Variants in WDR1 observed in about 807,000 individuals in gnomAD.
WDR1 encodes WD repeat-containing protein 1.
A neutral mutation model predicts 71.9 loss-of-function variants in WDR1; 21 were observed. The observed-to-expected ratio is 0.29, with a 90% confidence interval of 0.21 to 0.42. WDR1 has a LOEUF of 0.42. Among genes scored for constraint, WDR1 ranks in the 10% least tolerant of loss-of-function variants. The pLI is 1.00. For missense variants in WDR1, 696 were observed against 824.5 expected (o/e 0.84, Z 1.91); for synonymous variants, 424 against 347.4 (o/e 1.22, Z -2.45).
chr4:10,115,888 A>G (rs989843417), intron 2 of WDR1: 3 of 575,406 alleles, frequency 5.2e-6, no homozygotes, highest in Non-Finnish European at 9.2e-6. Flanking sequence ...CGTAGACAGA[A>G]ACGAACTAAG....
intron 5 of WDR1, among the ~76,000 whole-genome samples, chr4:10,089,457 G>C (rs1457010124): frequency 6.6e-6 from 1 of 152,126 alleles, no homozygotes; most frequent in African/African-American, 2.4e-5. Context: ...TCAAGAACAA[G>C]AGCCTGAGCG....
chr4:10,113,725 T>C (rs951355957), intron 2 of WDR1, among the ~76,000 whole-genome samples: 1 of 152,228 alleles, frequency 6.6e-6, no homozygotes, highest in African/African-American at 2.4e-5. Context: ...GGGAAATCTG[T>C]TAGATTCTGA....
intron 5 of WDR1, among the ~76,000 whole-genome samples, chr4:10,089,209 C>T (rs543406978): frequency 5.3e-5 from 8 of 152,296 alleles, no homozygotes; most frequent in South Asian, 2.1e-4. Flanking sequence ...CCCGGGTTCA[C>T]GCCATTCTCC....
chr4:10,110,419 G>C (rs893492955), intron 2 of WDR1, among the ~76,000 whole-genome samples: 2 of 152,122 alleles, frequency 1.3e-5, no homozygotes, highest in African/African-American at 4.8e-5. Flanking sequence ...CTCAAAGATG[G>C]CTTCAGTATC....
intron 2 of WDR1, among the ~76,000 whole-genome samples, chr4:10,105,330 G>C (rs12506562): frequency 3.3e-5 from 5 of 151,904 alleles, no homozygotes; most frequent in African/African-American, 1.2e-4. Context: ...TAAGTGGTTT[G>C]GGGGAGAAAA....
intron 11 of WDR1, among the ~76,000 whole-genome samples, chr4:10,080,826 A>G (rs1764985925): frequency 6.6e-6 from 1 of 152,218 alleles, no homozygotes; most frequent in Non-Finnish European, 1.5e-5. Flanking sequence ...CATGTGGGAA[A>G]GTACCAAGCT....
chr4:10,116,016 G>T, intron 2 of WDR1, 97 bp downstream of exon 2: 1 of 1,496,878 alleles, frequency 6.7e-7, no homozygotes, highest in Non-Finnish European at 9.0e-7. Context: ...CCCTCCCCGG[G>T]CCAATGGGCA....
chr4:10,111,168 G>A (rs1713330456), intron 2 of WDR1, among the ~76,000 whole-genome samples: 1 of 152,216 alleles, frequency 6.6e-6, no homozygotes, highest in African/African-American at 2.4e-5. Context: ...AATGGCTCCA[G>A]TGGCCTTCAG....
chr4:10,074,425 C>G lies in WDR1; in HGVS notation c.*953G>C, dbSNP rs1304785342. On this transcript the variant is annotated 3_prime_UTR_variant, in exon 15 of 15. Transcript: ENST00000499869. ...CACAAGTGCAAGGGGAGGGATTGTT[C>G]TCAGCCAACATTTACCAGTGATTCC... The G allele has an allele frequency of 2.0e-5, 3 of 152,630 alleles. No individual in the cohort carries two copies. The highest frequency in any genetic ancestry group is 4.4e-5 in the Non-Finnish European group (3 of 68,040). The allele number at this position is 152,630 out of a possible 1,614,324, so 9.5% of individuals were successfully genotyped here.
chr4:10,075,020 C>A lies in WDR1; in HGVS notation c.*358G>T. 1 of 356,536 alleles carries A rather than the reference C, an allele frequency of 2.8e-6. No homozygotes were observed. The highest frequency in any genetic ancestry group is 5.1e-6 in the Non-Finnish European group (1 of 196,536). 22.1% of individuals were successfully genotyped at this position (356,536 alleles called of 1,614,324 possible). A position where few individuals can be genotyped will look rare whatever the true frequency, so the allele number is the denominator to read the frequency against. On this transcript the variant is annotated 3_prime_UTR_variant, in exon 15 of 15. Transcript: ENST00000499869. ...CCCCCCGGCTCATTCACCTGTACAA[C>A]CTCCCCTGACAGATAGTGAGAGCCG...
At chr4:10,107,922 G>A (rs1345119725) in intron 2 of WDR1, among the ~76,000 whole-genome samples, 1 of 152,192 alleles carries the variant, frequency 6.6e-6, no homozygotes, top group African/African-American at 2.4e-5. Flanking sequence ...ACTTGACCCG[G>A]GAGGCCATTC....
At chr4:10,104,016 A>G in intron 2 of WDR1, 30 bp from the exon 3 acceptor site, 2 of 1,568,956 alleles carry the variant, frequency 1.3e-6, no homozygotes, top group South Asian at 2.3e-5. Flanking sequence ...AATGAACAGA[A>G]GGAATGGAGA....
rs1578419293 is a variant in WDR1 at position 10,082,945 on chromosome 4, G to A, written c.1196+77C>T. On this transcript the variant is annotated intron_variant, in intron 10 of 14. Transcript: ENST00000499869. ...AGCAAGTGAGGCGTCCTCCAGAACAGTAACTGCTGGAGGGCACAAGCCCTC... is the reference window on the plus strand; with the variant it reads ...AGCAAGTGAGGCGTCCTCCAGAACAATAACTGCTGGAGGGCACAAGCCCTC... 5.2e-5 allele frequency: 79 copies of A among 1,517,206 alleles called. No individual in the cohort carries two copies. The South Asian group carries it at 9.3e-4, about 18-fold the overall frequency. The allele number at this position is 1,517,206 out of a possible 1,614,324, so 94.0% of individuals were successfully genotyped here.
rs535584415 is a variant in WDR1 at position 10,077,825 on chromosome 4, G to A, written c.1497C>T (p.His499=). The change falls in exon 13 of 15, where the codon CAC becomes CAT. Residue 499 remains histidine (H), a synonymous_variant. Coordinates refer to ENST00000499869, the MANE Select transcript of WDR1 (RefSeq NM_017491.5). ...KGPVTDVAYS[H]DGAFLAVCDA... ...CGCACACCGCGAGGAAGGCGCCGTC[G>A]TGGGAGTAGGCCACGTCGGTCACGG... 6.3e-5 allele frequency: 101 copies of A among 1,608,520 alleles called. No individual in the cohort carries two copies. The South Asian group carries it at 9.6e-4, about 15-fold the overall frequency.
intron 5 of WDR1, among the ~76,000 whole-genome samples, chr4:10,094,027 T>C (rs554741507): frequency 2.2e-4 from 33 of 152,304 alleles, no homozygotes; most frequent in Admixed American, 2.1e-3. Context: ...ATGTGAGGTA[T>C]GAGGTCCCCG....
chr4:10,098,627 C>T (rs1021305691), intron 4 of WDR1, among the ~76,000 whole-genome samples: 1 of 152,212 alleles, frequency 6.6e-6, no homozygotes, highest in African/African-American at 2.4e-5. Flanking sequence ...AGTTCAGCCT[C>T]CCTGGCAGCT....
chr4:10,095,962 T>C (rs890650620), intron 5 of WDR1: 1 of 152,332 alleles, frequency 6.6e-6, no homozygotes, highest in Admixed American at 6.5e-5. Context: ...CTGGGCTAGC[T>C]GGGCAGACAT....
At chr4:10,099,164 G>GGGGGTT in intron 3 of WDR1, 25 bp from the exon 4 acceptor site, 1 of 1,412,146 alleles carries the variant, frequency 7.1e-7, no homozygotes, top group Non-Finnish European at 9.8e-7. Context: ...GGGCGGGGGA[G>GGGGGTT]GGGGGGAGGC....
At chr4:10,101,869 A>C (rs192484092) in intron 3 of WDR1, among the ~76,000 whole-genome samples, 9 of 152,394 alleles carry the variant, frequency 5.9e-5, no homozygotes, top group Admixed American at 5.2e-4. Context: ...ATTCGGGCCA[A>C]ATCTTGGGGC....
Sources: allele counts gnomAD v4.1 joint callset (sites outside exome capture counted in the v4.1 genomes callset), GRCh38; gene constraint gnomAD v4.1.1; transcripts MANE v1.5; gene names NCBI Gene and HGNC (gene_info 2026-07-23, HGNC 2026-07-21).